RASGRP3: variants seen among roughly 807,000 people sequenced by gnomAD.
RASGRP3 encodes the protein ras guanyl-releasing protein 3.
Under a neutral mutation model 82.7 loss-of-function variants are expected in RASGRP3, and 54 were observed. The observed-to-expected ratio is 0.65, with a 90% CI of 0.52 to 0.82. The LOEUF (loss-of-function observed/expected upper bound fraction) is 0.82, where lower values mean the gene tolerates loss of function less well. Ranked by LOEUF, RASGRP3 falls within the 40% of genes least tolerant of loss-of-function variation. The pLI, the probability that RASGRP3 is intolerant of heterozygous loss-of-function variation, is 0.00. For synonymous variants in RASGRP3, 309 were observed against 300.5 expected, an observed-to-expected ratio of 1.03 and a Z score of -0.29; for missense variants, 861 against 828.9, an observed-to-expected ratio of 1.04 and a Z score of -0.48.
chr2:33,529,823 G>C (rs1422510106), intron 10 of RASGRP3, among the ~76,000 whole-genome samples: 1 of 151,396 alleles, frequency 6.6e-6, no homozygotes, highest in Non-Finnish European at 1.5e-5. Context: ...TAGGATTCTA[G>C]ATGTAAGAAC....
upstream of RASGRP3, among the ~76,000 whole-genome samples, chr2:33,475,687 G>A (rs1339010132): frequency 1.3e-5 from 2 of 152,120 alleles, no homozygotes; most frequent in Non-Finnish European, 2.9e-5. Flanking sequence ...ATACTTCAAG[G>A]GCTTTCCTTG....
At chr2:33,514,505 C>CCA (rs1671240266) in intron 2 of RASGRP3, among the ~76,000 whole-genome samples, 1 of 60,666 alleles carries the variant, frequency 1.6e-5, no homozygotes, top group African/African-American at 7.5e-5. Context: ...CCCATCTCTA[C>CCA]AAAAAAAAAA....
chr2:33,533,562 T>C (rs1456070206), intron 10 of RASGRP3: 1 of 152,200 alleles, frequency 6.6e-6, no homozygotes, highest in Non-Finnish European at 1.5e-5. Context: ...GTAGGGACTT[T>C]TATGATCATT....
intron 12 of RASGRP3, among the ~76,000 whole-genome samples, chr2:33,540,574 G>C (rs1432489634): frequency 2.2e-5 from 1 of 46,236 alleles, no homozygotes; most frequent in African/African-American, 7.3e-5. Flanking sequence ...GTGTGTGTGT[G>C]TGTGTGTGTG....
chr2:33,471,178 C>A (rs1667038121), intron 2 of RASGRP3, among the ~76,000 whole-genome samples: 1 of 151,130 alleles, frequency 6.6e-6, no homozygotes. Flanking sequence ...AATGATTTTT[C>A]AAGATTATTG....
chr2:33,478,345 G>A (rs1031250314), intron 1 of RASGRP3, among the ~76,000 whole-genome samples: 6 of 152,114 alleles, frequency 3.9e-5, no homozygotes, highest in African/African-American at 7.2e-5. Flanking sequence ...GTCAGCCCGC[G>A]GCCATGTGGT....
chr2:33,484,542 T>A (rs1447348543), intron 1 of RASGRP3, among the ~76,000 whole-genome samples: 1 of 152,114 alleles, frequency 6.6e-6, no homozygotes, highest in Non-Finnish European at 1.5e-5. Flanking sequence ...GATCATTTTT[T>A]TTTTTTATGG....
At chr2:33,444,522 A>C (rs1305662980) in intron 1 of RASGRP3, among the ~76,000 whole-genome samples, 1 of 152,212 alleles carries the variant, frequency 6.6e-6, no homozygotes, top group Non-Finnish European at 1.5e-5. Flanking sequence ...CTACTGTATA[A>C]GACAGTGCAA....
chr2:33,546,660 T>G (rs914177658), intron 13 of RASGRP3, among the ~76,000 whole-genome samples: 1 of 152,170 alleles, frequency 6.6e-6, no homozygotes, highest in Non-Finnish European at 1.5e-5. Flanking sequence ...TGAGTGTTCA[T>G]TGCAGCACTA....
chr2:33,517,298 G>A (rs1671562628), intron 4 of RASGRP3, among the ~76,000 whole-genome samples: 1 of 152,184 alleles, frequency 6.6e-6, no homozygotes, highest in Non-Finnish European at 1.5e-5. Context: ...GACTGAAAAT[G>A]CAGTCTCCCA....
intron 2 of RASGRP3, among the ~76,000 whole-genome samples, chr2:33,461,438 C>G (rs1666358147): frequency 6.6e-6 from 1 of 152,224 alleles, no homozygotes. Context: ...TCACGACACT[C>G]AGCTAATTTT....
At chr2:33,546,251 G>C (rs1478432507) in intron 13 of RASGRP3, among the ~76,000 whole-genome samples, 1 of 151,746 alleles carries the variant, frequency 6.6e-6, no homozygotes, top group Non-Finnish European at 1.5e-5. Context: ...GTGAAACTCT[G>C]TCTCTACTAA....
chr2:33,559,597 G>A (rs1264878660), intron 17 of RASGRP3: 1 of 518,598 alleles, frequency 1.9e-6, no homozygotes, highest in African/African-American at 1.9e-5. Context: ...GATGGAATTT[G>A]TTAGAGTATG....
intron 2 of RASGRP3, among the ~76,000 whole-genome samples, chr2:33,457,848 G>C (rs1438850226): frequency 6.6e-6 from 1 of 152,136 alleles, no homozygotes; most frequent in Non-Finnish European, 1.5e-5. Flanking sequence ...GTTAAAAAAA[G>C]TTTTAAAGTA....
At chr2:33,461,224 G>C (rs1666345360) in intron 2 of RASGRP3, among the ~76,000 whole-genome samples, 1 of 152,158 alleles carries the variant, frequency 6.6e-6, no homozygotes, top group Non-Finnish European at 1.5e-5. Context: ...GCTTTGAGAA[G>C]ACTCCTTTTT....
chr2:33,543,101 AC>A (rs1674420868), intron 12 of RASGRP3, among the ~76,000 whole-genome samples: 1 of 151,338 alleles, frequency 6.6e-6, no homozygotes, highest in South Asian at 2.1e-4. Flanking sequence ...GTAACCTCAA[AC>A]TCCTGGGCTG....
chr2:33,447,621 A>G (rs1450745813), intron 1 of RASGRP3, among the ~76,000 whole-genome samples: 1 of 151,926 alleles, frequency 6.6e-6, no homozygotes, highest in East Asian at 1.9e-4. Context: ...GTTAGTAGAG[A>G]CGAGGTTTCA....
At position 33,527,146 on chromosome 2, in the gene RASGRP3, G is replaced by C; in HGVS notation, c.817G>C (p.Glu273Gln). The C allele has an allele frequency of 6.2e-7, 1 of 1,613,970 alleles. No individual in the cohort carries two copies. Among genetic ancestry groups the C allele is most frequent in the Non-Finnish European group, 8.5e-7 (1 of 1,179,842 alleles). ...TTCCATCTGTTCCCAGAACTGGAAT[G>C]AAATGACAGAGTTGGTCTCCTCCAA... ...LSSEVTKNWN[E>Q]MTELVSSNGN... Residue 273 changes from glutamate to glutamine, a missense_variant, in exon 10 of 18, where the codon GAA becomes CAA. Physicochemically the swap from Glu to Gln is conservative, Grantham distance 29 (BLOSUM62 2). Transcript: ENST00000403687.
intron 11 of RASGRP3, among the ~76,000 whole-genome samples, chr2:33,537,767 T>C (rs943462760): frequency 1.3e-5 from 2 of 152,236 alleles, no homozygotes; most frequent in African/African-American, 4.8e-5. Flanking sequence ...GGATATAAAG[T>C]GAACACCAGT....
Sources: gnomAD v4.1 joint callset for allele counts (sites outside exome capture counted in the v4.1 genomes callset) on GRCh38, gnomAD v4.1.1 for gene constraint, MANE v1.5 for transcripts, NCBI Gene and HGNC (gene_info 2026-07-23, HGNC 2026-07-21) for gene names.